Variants in RTEL1 observed in about 807,000 individuals in gnomAD.
RTEL1 encodes the protein regulator of telomere elongation helicase 1.
RTEL1 carries 86 observed loss-of-function variants against 162.2 expected under a neutral mutation model. The ratio of observed to expected loss-of-function variants is 0.53; its 90% CI spans 0.45 to 0.63. The LOEUF is 0.63. Among genes scored for constraint, RTEL1 ranks in the 30% least tolerant of loss-of-function variants. RTEL1 has a pLI of 0.00. For synonymous variants in RTEL1, 958 were observed against 717.9 expected, an observed-to-expected ratio of 1.33 and a Z score of -5.35; for missense variants, 1,941 against 1,750.2, an observed-to-expected ratio of 1.11 and a Z score of -1.95.
chr20:63,693,385 C>A (rs1352660265), intron 30 of RTEL1, 102 bp downstream of exon 30: 15 of 1,425,588 alleles, frequency 1.1e-5, no homozygotes, highest in East Asian at 2.3e-5. Flanking sequence ...CCCTGCTTGG[C>A]CCCGCCTCTC....
At chr20:63,679,474 A>C in intron 12 of RTEL1, among the ~76,000 whole-genome samples, 1 of 151,278 alleles carries the variant, frequency 6.6e-6, no homozygotes, top group African/African-American at 2.4e-5. Context: ...CCCCCTAGTG[A>C]CCCCATCCCT....
In RTEL1 at chr20:63,662,618, C is replaced by T. The variant is rs759482104; in HGVS notation, c.468C>T (p.Asn156=). 4 of 1,613,856 alleles carry T rather than the reference C, an allele frequency of 2.5e-6. No homozygotes were observed. The highest frequency in any genetic ancestry group is 1.7e-5 in the Admixed American group (1 of 59,984). ...IHPEVKKQES[N]HLQIHLCRKK... is the part of the protein sequence containing the mutation. ...CTGAGGTGAAGAAACAAGAGAGTAA[C>T]CATCTACAGGTAGGCTCCTGGGCTC... Residue 156 remains asparagine (N), a synonymous_variant, in exon 5 of 35, where the codon AAC becomes AAT. Transcript: ENST00000360203.
chr20:63,680,526 G>C, intron 13 of RTEL1, 138 bp from the exon 14 acceptor site: 1 of 852,888 alleles, frequency 1.2e-6, no homozygotes, highest in Non-Finnish European at 1.9e-6. Flanking sequence ...TGGATGCTGC[G>C]CTCCACCCTG....
At position 63,690,230 on chromosome 20, in the gene RTEL1, G is replaced by A. The variant is rs909120001; in HGVS notation, c.2265+20G>A. The A allele has an allele frequency of 3.7e-6, 6 of 1,610,360 alleles. No individual in the cohort carries two copies. Among genetic ancestry groups the A allele is most frequent in the Non-Finnish European group, 5.1e-6 (6 of 1,178,112 alleles). ...CGAACTGTGAGTTCCTGCCCAGGGAGGGGATGAGGGTGTTGTCCCCAGAGG... is the reference window on the plus strand; with the variant it reads ...CGAACTGTGAGTTCCTGCCCAGGGAAGGGATGAGGGTGTTGTCCCCAGAGG... On this transcript the variant is annotated intron_variant, in intron 25 of 34. Coordinates refer to ENST00000360203, the MANE Select transcript of RTEL1 (RefSeq NM_001283009.2).
intron 8 of RTEL1, among the ~76,000 whole-genome samples, chr20:63,669,606 C>G (rs942021060): frequency 6.6e-6 from 1 of 152,244 alleles, no homozygotes; most frequent in Non-Finnish European, 1.5e-5. Flanking sequence ...AGCAAACAAC[C>G]CACTTAACCA....
Position 63,693,021 on chromosome 20 carries a change from G to C in RTEL1, c.2851+18G>C, listed in dbSNP as rs746371019. On this transcript the variant is annotated intron_variant, in intron 29 of 34. Transcript: ENST00000360203. ...GCTCCAAGGTGCCCTGGCTTGCAGAGGCCACCCACCCTGAGGGCAGTGCTG... is the reference window on the plus strand; with the variant it reads ...GCTCCAAGGTGCCCTGGCTTGCAGACGCCACCCACCCTGAGGGCAGTGCTG... 2 of 1,612,060 alleles carry C rather than the reference G, an allele frequency of 1.2e-6. No individual in the cohort carries two copies. Among genetic ancestry groups the C allele is most frequent in the Admixed American group, 1.7e-5 (1 of 60,002 alleles).
intron 30 of RTEL1, among the ~76,000 whole-genome samples, chr20:63,693,669 A>T (rs555805423): frequency 0.01 from 251 of 24,468 alleles, no homozygotes; most frequent in Middle Eastern, 0.037. Flanking sequence ...CACCTCCACC[A>T]CCACCACCAC....
chr20:63,693,441 A>ACCACCT (rs1568719738), intron 30 of RTEL1, among the ~76,000 whole-genome samples, 158 bp downstream of exon 30: 1 of 133,852 alleles, frequency 7.5e-6, no homozygotes, highest in Non-Finnish European at 1.6e-5. Flanking sequence ...CACCACCAGC[A>ACCACCT]CCAGCAGCAC....
intron 1 of RTEL1, chr20:63,658,894 C>T (rs553707917): frequency 6.2e-6 from 1 of 160,312 alleles, no homozygotes; most frequent in Non-Finnish European, 1.4e-5. Context: ...GAGGCAGGGC[C>T]GGAGGTTCAG....
intron 8 of RTEL1, among the ~76,000 whole-genome samples, chr20:63,671,877 T>C (rs2146190948): frequency 6.6e-6 from 1 of 151,672 alleles, no homozygotes; most frequent in East Asian, 1.9e-4. Context: ...GGGAGTTGGG[T>C]TTTGTTTTGT....
chr20:63,693,393 C>G (rs1164534281), intron 30 of RTEL1, 110 bp downstream of exon 30: 23 of 1,350,640 alleles, frequency 1.7e-5, no homozygotes, highest in Middle Eastern at 2.5e-4. Context: ...GGCCCCGCCT[C>G]TCTGTTCCCC....
chr20:63,692,728 T>TC, intron 28 of RTEL1, 77 bp from the exon 29 acceptor site: 1 of 1,423,898 alleles, frequency 7.0e-7, no homozygotes, highest in Non-Finnish European at 9.7e-7. Flanking sequence ...CGCTCAATGT[T>TC]CCAAGGAAGG....
chr20:63,672,459 C>T (rs1337741306), intron 8 of RTEL1, 97 bp from the exon 9 acceptor site: 15 of 1,004,290 alleles, frequency 1.5e-5, no homozygotes, highest in Middle Eastern at 2.8e-4. Context: ...TGCTCATCTG[C>T]GCTTGTGATG....
chr20:63,675,812 C>T (rs139620503), intron 10 of RTEL1, among the ~76,000 whole-genome samples: 15 of 152,350 alleles, frequency 9.8e-5, no homozygotes, highest in African/African-American at 2.9e-4. Flanking sequence ...TTCCATCCTT[C>T]GCTTGGCGCA....
rs757618919 is a variant in RTEL1, at chr20:63,695,416, C to T, written c.3588C>T (p.Gly1196=). 1.2e-5 allele frequency: 19 copies of T among 1,561,628 alleles called. No individual in the cohort carries two copies. The highest frequency in any genetic ancestry group is 6.8e-5 in the African/African-American group (5 of 73,844). ...GGCCAGCAGGGACTGTGGGGGCGGG[C>T]GGTGAGGATGCAGGTCCCAGCCAGT... The part of the protein sequence containing the change: ...RQRPAGTVGA[G]GEDAGPSQSS... Residue 1196 remains glycine, a synonymous_variant, in exon 34 of 35, where the codon GGC becomes GGT. Coordinates refer to ENST00000360203, the MANE Select transcript of RTEL1 (RefSeq NM_001283009.2).
chr20:63,663,672 C>T (rs780855580), intron 6 of RTEL1, among the ~76,000 whole-genome samples: 6 of 152,216 alleles, frequency 3.9e-5, no homozygotes, highest in South Asian at 2.1e-4. Flanking sequence ...GCAGTCGGCG[C>T]GGTCTGTGCT....
chr20:63,693,454 C>G (rs2090828928), intron 30 of RTEL1, among the ~76,000 whole-genome samples, 171 bp downstream of exon 30: 2 of 39,682 alleles, frequency 5.0e-5, no homozygotes, highest in African/African-American at 1.4e-4. Context: ...AGCAGCACCA[C>G]CTCCACCTCC....
rs766357644 is a variant in RTEL1, at chr20:63,661,819, G to A, written c.302-31G>A. On this transcript the variant is annotated intron_variant, in intron 3 of 34. Coordinates refer to ENST00000360203, the MANE Select transcript of RTEL1 (RefSeq NM_001283009.2). The surrounding 1 kb of genome is among the most constrained non-coding windows in gnomAD (Gnocchi z 5.1). ...TACGTGAGAACGTTGTCTGAGAACCGTGACTTCTGTGCTTGCTTGTGTCTG... is the reference window on the plus strand; with the variant it reads ...TACGTGAGAACGTTGTCTGAGAACCATGACTTCTGTGCTTGCTTGTGTCTG... 7 of 1,593,148 alleles carry A rather than the reference G, an allele frequency of 4.4e-6. No individual in the cohort carries two copies. The highest frequency in any genetic ancestry group is 2.7e-5 in the African/African-American group (2 of 74,416).
Position 63,678,336 on chromosome 20 carries a change from A to C in RTEL1, c.1027A>C (p.Lys343Gln). The change falls in exon 12 of 35, where the codon AAG becomes CAG. Residue 343 changes from lysine to glutamine, a missense_variant. By Grantham distance (53) the Lys-to-Gln change is moderately conservative. Coordinates refer to ENST00000360203, the MANE Select transcript of RTEL1 (RefSeq NM_001283009.2). ...ELPGDDSGVT[K>Q]PGSYIFELFA... ...GCCTGGAGACGACAGCGGTGTCACC[A>C]AGCCAGGGAGGTGAGAGGCGGGGAG... The C allele has an allele frequency of 6.2e-7, 1 of 1,612,342 alleles. No homozygotes were observed.
Sources: gnomAD v4.1 joint callset for allele counts (sites outside exome capture counted in the v4.1 genomes callset) on GRCh38, gnomAD v4.1.1 for gene constraint, Gnocchi (gnomAD v3.1) non-coding constraint, MANE v1.5 for transcripts, NCBI Gene and HGNC (gene_info 2026-07-23, HGNC 2026-07-21) for gene names.